The following ANKRD46 variants were observed in gnomAD, a reference collection of about 807,000 sequenced individuals.
ANKRD46 encodes the protein ankyrin repeat domain 46.
In ANKRD46, 13 loss-of-function variants were observed where a neutral mutation model predicts 19.8. The observed-to-expected ratio is 0.66, with a 90% CI of 0.43 to 1.04. The LOEUF (loss-of-function observed/expected upper bound fraction) is 1.04, where lower values mean the gene tolerates loss of function less well. Ranked by LOEUF, ANKRD46 falls within the 50% of genes least tolerant of loss-of-function variation. The pLI is 0.00. For missense variants in ANKRD46, 185 were observed against 274.8 expected, an observed-to-expected ratio of 0.67 and a Z score of 2.31; for synonymous variants, 91 against 106.9, an observed-to-expected ratio of 0.85 and a Z score of 0.92.
rs1811719683 is a variant in ANKRD46, at chr8:100,521,326, C to T, written c.*1229G>A. ...AACAAAACCATTAGTTCTTTCACTA[C>T]AATTTCCTGACTTTACCCAATAAAT... On this transcript the variant is annotated 3_prime_UTR_variant, in exon 5 of 5. Coordinates refer to ENST00000335659, the MANE Select transcript of ANKRD46 (RefSeq NM_001270377.2). The T allele has an allele frequency of 1.0e-6, 1 of 985,270 alleles. No individual in the cohort carries two copies. The highest frequency in any genetic ancestry group is 1.2e-6 in the Non-Finnish European group (1 of 829,924). The allele number at this position is 985,270 out of a possible 1,614,324, so 61.0% of individuals were successfully genotyped here.
intron 1 of ANKRD46, among the ~76,000 whole-genome samples, chr8:100,549,035 G>T (rs1812328580): frequency 6.8e-6 from 1 of 146,034 alleles, no homozygotes; most frequent in African/African-American, 2.5e-5. Flanking sequence ...AAATTTTAAA[G>T]ATTTACCCAG....
In ANKRD46 at chr8:100,543,677, G is replaced by T. The variant is rs1812218604; in HGVS notation, c.-130-10366C>A. On this transcript the variant is annotated intron_variant, in intron 1 of 4. Transcript: ENST00000335659. The surrounding 1 kb of genome is among the most constrained non-coding windows in gnomAD (Gnocchi z 4.2). ...CAGGATTGACGAGCTTTGGATTTGG[G>T]GAAATGAACTATAATATGAAATGTT... is the stretch of plus-strand genomic sequence containing the variant. Among the ~76,000 whole-genome samples, 1 of 151,936 alleles carries T rather than the reference G, an allele frequency of 6.6e-6. No individual in the cohort carries two copies. The highest frequency in any genetic ancestry group is 1.5e-5 in the Non-Finnish European group (1 of 67,990).
In ANKRD46 at chr8:100,533,685, C is replaced by G. The variant is rs1159094623; in HGVS notation, c.-130-374G>C. Among the ~76,000 whole-genome samples the G allele has an allele frequency of 2.6e-5, 4 of 152,046 alleles. No homozygotes were observed. In the East Asian group the frequency reaches 7.7e-4, roughly 29 times the overall value. On this transcript the variant is annotated intron_variant, in intron 1 of 4. Coordinates refer to ENST00000335659, the MANE Select transcript of ANKRD46 (RefSeq NM_001270377.2). ...AATGGAGGCTAGATCCCAGATTAGT[C>G]CACAAAAGCATTTTTATAAATAAAA...
In ANKRD46 at chr8:100,550,550, A is replaced by G; in HGVS notation, c.-131+9161T>C. 1 of 147,970 alleles carries G rather than the reference A, an allele frequency of 6.8e-6. No individual in the cohort carries two copies. Among genetic ancestry groups the G allele is most frequent in the Non-Finnish European group, 1.5e-5 (1 of 68,752 alleles). 9.2% of individuals were successfully genotyped at this position (147,970 alleles called of 1,614,324 possible). On this transcript the variant is annotated intron_variant, in intron 1 of 4. Coordinates refer to ENST00000335659, the MANE Select transcript of ANKRD46 (RefSeq NM_001270377.2). This position sits in a 1 kb window ranked among gnomAD's most constrained non-coding sequence, Gnocchi z 4.4. ...ATCTTTTTTTTTTTTTTGAGTACAG[A>G]GGACTTTATTGATGGTACACGACAA... is the stretch of plus-strand genomic sequence containing the variant.
Position 100,522,098 on chromosome 8 carries a change from T to C in ANKRD46, c.*457A>G, listed in dbSNP as rs545462246. Reference sequence around the variant, plus strand: ...AAAAAGTACTTCAAGTTTTATCTCTTATCCCTAGAGAAAGTAAATAAAAAG... The same window carrying C: ...AAAAAGTACTTCAAGTTTTATCTCTCATCCCTAGAGAAAGTAAATAAAAAG... On this transcript the variant is annotated 3_prime_UTR_variant, in exon 5 of 5. Transcript: ENST00000335659. 1 of 988,978 alleles carries C rather than the reference T, an allele frequency of 1.0e-6. No homozygotes were observed. The highest frequency in any genetic ancestry group is 5.8e-5 in the Admixed American group (1 of 17,168). The allele number at this position is 988,978 out of a possible 1,614,324, so 61.3% of individuals were successfully genotyped here.
At position 100,534,391 on chromosome 8, in the gene ANKRD46, C is replaced by T. The variant is rs749484380; in HGVS notation, c.-130-1080G>A. On this transcript the variant is annotated intron_variant, in intron 1 of 4. Coordinates refer to ENST00000335659, the MANE Select transcript of ANKRD46 (RefSeq NM_001270377.2). This position sits in a 1 kb window ranked among gnomAD's most constrained non-coding sequence, Gnocchi z 4.2. Reference sequence around the variant, plus strand: ...GACATGATAACACACAAAACATCTACGCTCCTCATTTCCTACTTCTTTTGT... The same window carrying T: ...GACATGATAACACACAAAACATCTATGCTCCTCATTTCCTACTTCTTTTGT... Among the ~76,000 whole-genome samples the T allele has an allele frequency of 1.3e-5, 2 of 152,338 alleles. No homozygotes were observed. Among genetic ancestry groups the T allele is most frequent in the Non-Finnish European group, 2.9e-5 (2 of 68,036 alleles).
chr8:100,516,524 C>A (rs1811633178), downstream of ANKRD46, among the ~76,000 whole-genome samples: 1 of 152,088 alleles, frequency 6.6e-6, no homozygotes, highest in African/African-American at 2.4e-5. Flanking sequence ...AATCTAAAAA[C>A]AACTTAAGTA....
chr8:100,520,737 AC>A, downstream of ANKRD46: 1 of 724,156 alleles, frequency 1.4e-6, no homozygotes, highest in Non-Finnish European at 1.6e-6. Context: ...AAACTATAAT[AC>A]ACTAAAAAAA....
At chr8:100,551,080 G>A (rs1812378302) in intron 1 of ANKRD46, 2 of 510,724 alleles carry the variant, frequency 3.9e-6, no homozygotes, top group East Asian at 4.9e-5. Context: ...CACAGCCTTG[G>A]CAACACCAGT....
intron 1 of ANKRD46, among the ~76,000 whole-genome samples, chr8:100,553,468 G>A (rs1057479003): frequency 1.3e-5 from 2 of 152,030 alleles, no homozygotes; most frequent in Non-Finnish European, 1.5e-5. Context: ...TTAAACTTAC[G>A]CAGGCTGGGT....
Position 100,528,005 on chromosome 8 carries a change from TAAAAAAAAAA to T in ANKRD46, c.312-12_312-3del, listed in dbSNP as rs746946951. On this transcript the variant is annotated splice_region_variant and splice_polypyrimidine_tract_variant and intron_variant, in intron 3 of 4. Coordinates refer to ENST00000335659, the MANE Select transcript of ANKRD46 (RefSeq NM_001270377.2). ...AAAGGGGTAGCACCTTGATGATTGC[TAAAAAAAAAA>T]AAAAAAAAAAAAGTTTATAAAAATA... 15 of 1,164,228 alleles carry T rather than the reference TAAAAAAAAAA, an allele frequency of 1.3e-5. No individual in the cohort carries two copies. The highest frequency in any genetic ancestry group is 1.1e-4 in the Admixed American group (2 of 18,282). 72.1% of individuals were successfully genotyped at this position (1,164,228 alleles called of 1,614,324 possible). A position where few individuals can be genotyped will look rare whatever the true frequency, so the allele number is the denominator to read the frequency against.
In ANKRD46 at chr8:100,537,188, C is replaced by G. The variant is rs557491217; in HGVS notation, c.-130-3877G>C. Reference sequence around the variant, plus strand: ...ATGGAGAGAATATATATACTTATAACTAAAAATTGTTCTATATCCAATATC... The same window carrying G: ...ATGGAGAGAATATATATACTTATAAGTAAAAATTGTTCTATATCCAATATC... On this transcript the variant is annotated intron_variant, in intron 1 of 4. Coordinates refer to ENST00000335659, the MANE Select transcript of ANKRD46 (RefSeq NM_001270377.2). This position sits in a 1 kb window ranked among gnomAD's most constrained non-coding sequence, Gnocchi z 4.2. 6.6e-6 allele frequency among the ~76,000 whole-genome samples: 1 copy of G among 152,058 alleles called. No homozygotes were observed. The highest frequency in any genetic ancestry group is 1.5e-5 in the Non-Finnish European group (1 of 68,000).
intron 3 of ANKRD46, 23 bp from the exon 4 acceptor site, chr8:100,528,026 A>G (rs1448159668): frequency 6.7e-7 from 1 of 1,503,524 alleles, no homozygotes; most frequent in African/African-American, 1.4e-5. Context: ...AAAAAAAAAA[A>G]AGTTTATAAA....
In ANKRD46 at chr8:100,545,616, C is replaced by G. The variant is rs1812257848; in HGVS notation, c.-130-12305G>C. Among the ~76,000 whole-genome samples the G allele has an allele frequency of 6.6e-6, 1 of 152,056 alleles. No homozygotes were observed. The highest frequency in any genetic ancestry group is 2.4e-5 in the African/African-American group (1 of 41,368). ...AACAGACTAATACAGAGAATTAGTA[C>G]CAGGAGTAGGGCACTGCTATAAAAA... On this transcript the variant is annotated intron_variant, in intron 1 of 4. Transcript: ENST00000335659. This position sits in a 1 kb window ranked among gnomAD's most constrained non-coding sequence, Gnocchi z 4.7.
rs983147168 is a variant in ANKRD46, at chr8:100,545,194, G to A, written c.-130-11883C>T. On this transcript the variant is annotated intron_variant, in intron 1 of 4. Transcript: ENST00000335659. The surrounding 1 kb of genome is among the most constrained non-coding windows in gnomAD (Gnocchi z 4.7). ...ATATATAAAAGTTAGGTGTGGTGAC[G>A]TGCACCTGTAGTCCCAGCTACTCGG... Among the ~76,000 whole-genome samples the A allele has an allele frequency of 3.3e-5, 5 of 152,108 alleles. No homozygotes were observed. Among genetic ancestry groups the A allele is most frequent in the African/African-American group, 1.2e-4 (5 of 41,408 alleles).
chr8:100,531,105 C>T (rs1811954458), intron 2 of ANKRD46, among the ~76,000 whole-genome samples: 1 of 152,226 alleles, frequency 6.6e-6, no homozygotes, highest in African/African-American at 2.4e-5. Flanking sequence ...AGGTCTCTCT[C>T]TCTTCCCCTA....
At chr8:100,530,414 C>T (rs1012744786) in intron 2 of ANKRD46, among the ~76,000 whole-genome samples, 2 of 149,832 alleles carry the variant, frequency 1.3e-5, no homozygotes, top group Admixed American at 1.3e-4. Context: ...GATGGTGTCT[C>T]GCTCTATTGC....
Position 100,524,165 on chromosome 8 carries a change from A to G in ANKRD46, c.471-1394T>C, listed in dbSNP as rs1186118853. 6.6e-6 allele frequency among the ~76,000 whole-genome samples: 1 copy of G among 152,218 alleles called. No individual in the cohort carries two copies. The highest frequency in any genetic ancestry group is 1.9e-4 in the East Asian group (1 of 5,204). The stretch of plus-strand genomic sequence containing the variant: ...GCATCTGACTTTGGTACTTGGAAGC[A>G]CTAAGGGAAGAGCACTCATGGTTAT... On this transcript the variant is annotated intron_variant, in intron 4 of 4. Coordinates refer to ENST00000335659, the MANE Select transcript of ANKRD46 (RefSeq NM_001270377.2). This position sits in a 1 kb window ranked among gnomAD's most constrained non-coding sequence, Gnocchi z 4.3.
At chr8:100,515,978 T>C (rs1402392054), downstream of ANKRD46, among the ~76,000 whole-genome samples, 1 of 151,700 alleles carries the variant, frequency 6.6e-6, no homozygotes, top group Non-Finnish European at 1.5e-5. Flanking sequence ...TTTCAAGCAA[T>C]TCTCCTGCCT....
Sources: allele counts gnomAD v4.1 joint callset (sites outside exome capture counted in the v4.1 genomes callset), GRCh38; gene constraint gnomAD v4.1.1; non-coding constraint Gnocchi (gnomAD v3.1); transcripts MANE v1.5; gene names NCBI Gene and HGNC (gene_info 2026-07-23, HGNC 2026-07-21).